The following COL25A1 variants were observed in gnomAD, a reference collection of about 807,000 sequenced individuals.
COL25A1 encodes the protein collagen type XXV alpha 1 chain.
COL25A1 carries 103 observed loss-of-function variants against 128.4 expected under a neutral mutation model. The ratio of observed to expected loss-of-function variants is 0.80; its 90% confidence interval spans 0.68 to 0.94. COL25A1 has a LOEUF of 0.94. COL25A1 is among the 40% of genes least tolerant of loss of function. The pLI is 0.00. For synonymous variants in COL25A1, 279 were observed against 277.2 expected, an observed-to-expected ratio of 1.01 and a Z score of -0.06; for missense variants, 745 against 840.0, an observed-to-expected ratio of 0.89 and a Z score of 1.40.
chr4:108,927,601 C>T (rs912072656), intron 11 of COL25A1, among the ~76,000 whole-genome samples: 2 of 151,984 alleles, frequency 1.3e-5, no homozygotes, highest in South Asian at 2.1e-4. Context: ...GAGCCTGTTA[C>T]GAAGATGGCA....
intron 3 of COL25A1, among the ~76,000 whole-genome samples, chr4:109,239,419 TA>T (rs61670009): frequency 0.017 from 2,320 of 138,636 alleles, 27 homozygotes; most frequent in Non-Finnish European, 0.021. Context: ...TATATATATA[TA>T]TATTTATTTA....
chr4:109,169,932 A>G (rs1416996932), intron 3 of COL25A1, among the ~76,000 whole-genome samples: 1 of 152,140 alleles, frequency 6.6e-6, no homozygotes, highest in Non-Finnish European at 1.5e-5. Flanking sequence ...ACTGAAAACT[A>G]TATTAGTTCA....
rs1730948674 is a variant in COL25A1 at position 108,813,261 on chromosome 4, A to G, written c.*666T>C. On this transcript the variant is annotated 3_prime_UTR_variant, in exon 38 of 38. Coordinates refer to ENST00000399132, the MANE Select transcript of COL25A1 (RefSeq NM_198721.4). Reference sequence around the variant, plus strand: ...CAGGACTGCAACTCCCTCAAAATACAAGACAAATTGTGTGTGTGCTCTCCG... The same window carrying G: ...CAGGACTGCAACTCCCTCAAAATACGAGACAAATTGTGTGTGTGCTCTCCG... The G allele has an allele frequency of 6.6e-6, 1 of 152,272 alleles. No individual in the cohort carries two copies. Among genetic ancestry groups the G allele is most frequent in the Non-Finnish European group, 1.5e-5 (1 of 68,104 alleles). The allele number at this position is 152,272 out of a possible 1,614,324, so 9.4% of individuals were successfully genotyped here. A position where few individuals can be genotyped will look rare whatever the true frequency, so the allele number is the denominator to read the frequency against.
Position 109,262,342 on chromosome 4 carries a change from C to T in COL25A1, c.367+38241G>A, listed in dbSNP as rs1340387670. Among the ~76,000 whole-genome samples the T allele has an allele frequency of 4.6e-5, 7 of 151,752 alleles. No homozygotes were observed. The East Asian group carries it at 1.4e-3, about 30-fold the overall frequency. On this transcript the variant is annotated intron_variant, in intron 3 of 37. Coordinates refer to ENST00000399132, the MANE Select transcript of COL25A1 (RefSeq NM_198721.4). ...CAGCCTGGCCAACATGGCAAAACCC[C>T]GTCTCTACTAAAAATACAAAAATTA...
At chr4:109,112,105 A>C (rs1767078611) in intron 3 of COL25A1, among the ~76,000 whole-genome samples, 1 of 152,166 alleles carries the variant, frequency 6.6e-6, no homozygotes, top group Admixed American at 6.6e-5. Context: ...GGGAATTAAA[A>C]AAAACAGTAA....
At chr4:108,941,468 G>A (rs751230288) in intron 8 of COL25A1, 31 bp from the exon 9 acceptor site, 12 of 1,528,592 alleles carry the variant, frequency 7.9e-6, no homozygotes, top group Middle Eastern at 1.7e-4. Context: ...AAAGGTTGAA[G>A]TTCAGAGATG....
Position 108,845,183 on chromosome 4 carries a change from A to T in COL25A1, c.1578+6T>A, listed in dbSNP as rs775358370. ...AACAATGGAAGTTCAGCCACCATGGACTTACAGAAGGACCCTGTGGACCCG... is the reference window on the plus strand; with the variant it reads ...AACAATGGAAGTTCAGCCACCATGGTCTTACAGAAGGACCCTGTGGACCCG... On this transcript the variant is annotated splice_donor_region_variant and intron_variant, in intron 29 of 37. Coordinates refer to ENST00000399132, the MANE Select transcript of COL25A1 (RefSeq NM_198721.4). The T allele has an allele frequency of 1.2e-6, 2 of 1,612,432 alleles. No individual in the cohort carries two copies.
intron 6 of COL25A1, among the ~76,000 whole-genome samples, chr4:109,003,234 T>C (rs534031111): frequency 6.6e-6 from 1 of 152,142 alleles, no homozygotes; most frequent in Non-Finnish European, 1.5e-5. Context: ...AGGTTTAATA[T>C]CCAGAATCTA....
chr4:109,126,082 A>C (rs1177883957), intron 3 of COL25A1, among the ~76,000 whole-genome samples: 1 of 152,224 alleles, frequency 6.6e-6, no homozygotes, highest in Non-Finnish European at 1.5e-5. Context: ...TTTTGTAGGA[A>C]GAAAACATGT....
intron 3 of COL25A1, among the ~76,000 whole-genome samples, chr4:109,093,376 T>C (rs1263917108): frequency 1.3e-5 from 2 of 148,900 alleles, no homozygotes; most frequent in East Asian, 2.0e-4. Flanking sequence ...TCTCAGTACT[T>C]TGGGAGGCCA....
chr4:109,214,330 A>G (rs1446596444), intron 3 of COL25A1, among the ~76,000 whole-genome samples: 1 of 152,134 alleles, frequency 6.6e-6, no homozygotes, highest in Non-Finnish European at 1.5e-5. Flanking sequence ...AAAAACATCT[A>G]GAGGCCATAT....
At chr4:109,054,284 C>T (rs1761259160) in intron 3 of COL25A1, among the ~76,000 whole-genome samples, 1 of 152,138 alleles carries the variant, frequency 6.6e-6, no homozygotes, top group South Asian at 2.1e-4. Context: ...AGTTAAAAAC[C>T]TATGGATTTT....
At chr4:108,930,193 C>T (rs116390204) in intron 11 of COL25A1, among the ~76,000 whole-genome samples, 58 of 152,216 alleles carry the variant, frequency 3.8e-4, no homozygotes, top group Non-Finnish European at 7.1e-4. Flanking sequence ...TCCACTCAGA[C>T]ACATGGATCC....
At chr4:109,164,045 T>A (rs1040188577) in intron 3 of COL25A1, among the ~76,000 whole-genome samples, 31 of 148,600 alleles carry the variant, frequency 2.1e-4, no homozygotes, top group African/African-American at 7.7e-4. Flanking sequence ...AATTACAAGG[T>A]TTTTTTTTTA....
intron 5 of COL25A1, among the ~76,000 whole-genome samples, chr4:109,023,401 T>C (rs1269772048): frequency 6.6e-6 from 1 of 152,206 alleles, no homozygotes; most frequent in Non-Finnish European, 1.5e-5. Flanking sequence ...AAGACATATG[T>C]GAACACATCC....
At chr4:109,189,730 A>T (rs1437467741) in intron 3 of COL25A1, among the ~76,000 whole-genome samples, 4 of 152,170 alleles carry the variant, frequency 2.6e-5, no homozygotes, top group South Asian at 2.1e-4. Context: ...ATGTTTATTT[A>T]AAAATTTTAC....
chr4:109,177,425 A>G (rs546885198), intron 3 of COL25A1, among the ~76,000 whole-genome samples: 1 of 152,332 alleles, frequency 6.6e-6, no homozygotes, highest in Non-Finnish European at 1.5e-5. Context: ...TTAAAATGGA[A>G]TATCTTGCGT....
chr4:108,819,553 T>C (rs938365924), intron 35 of COL25A1, among the ~76,000 whole-genome samples: 2 of 152,204 alleles, frequency 1.3e-5, no homozygotes, highest in African/African-American at 4.8e-5. Context: ...TATGGAATCG[T>C]GCCAGTTCCT....
intron 6 of COL25A1, among the ~76,000 whole-genome samples, chr4:108,983,784 G>A (rs750262512): frequency 2.0e-5 from 3 of 152,124 alleles, no homozygotes; most frequent in Non-Finnish European, 4.4e-5. Flanking sequence ...TGGGTTCGTG[G>A]TCTCGCTGGC....
Sources: gnomAD v4.1 joint callset for allele counts (sites outside exome capture counted in the v4.1 genomes callset) on GRCh38, gnomAD v4.1.1 for gene constraint, MANE v1.5 for transcripts, NCBI Gene and HGNC (gene_info 2026-07-23, HGNC 2026-07-21) for gene names.